Variants in CHAF1B observed in about 807,000 individuals in gnomAD.
CHAF1B encodes CAF-1 subunit B.
CHAF1B carries 10 observed loss-of-function variants against 60.7 expected under a neutral mutation model. The ratio of observed to expected loss-of-function variants is 0.16; its 90% confidence interval spans 0.10 to 0.28. The LOEUF is 0.28. Ranked by LOEUF, CHAF1B falls within the 10% of genes least tolerant of loss-of-function variation. The probability of loss-of-function intolerance (pLI) is 1.00; values close to 1 mark genes in which losing one functional copy is unlikely to be tolerated. For synonymous variants in CHAF1B, 261 were observed against 266.1 expected (o/e 0.98, Z 0.19); for missense variants, 558 against 708.4 (o/e 0.79, Z 2.41).
chr21:36,399,514 T>C lies in CHAF1B; in HGVS notation c.579-7T>C. On this transcript the variant is annotated splice_polypyrimidine_tract_variant and splice_region_variant and intron_variant, in intron 6 of 13. Coordinates refer to ENST00000314103, the MANE Select transcript of CHAF1B (RefSeq NM_005441.3). ...GAAGTGGTAAATCAGACATGTTCTT[T>C]CTTCAGGGTGCTGCGAGTATACAGT... 6.2e-7 allele frequency: 1 copy of C among 1,612,160 alleles called. No homozygotes were observed. Among genetic ancestry groups the C allele is most frequent in the South Asian group, 1.1e-5 (1 of 90,654 alleles).
Position 36,416,431 on chromosome 21 carries a change from G to T in CHAF1B, c.*65G>T. The T allele has an allele frequency of 7.4e-7, 1 of 1,353,720 alleles. No homozygotes were observed. 83.9% of individuals were successfully genotyped at this position (1,353,720 alleles called of 1,614,324 possible). ...GTGTGTGCAGGGAGACGGTAAAGCTGGAGGTGCCTGAGACCAGGGCTTCCA... is the reference window on the plus strand; with the variant it reads ...GTGTGTGCAGGGAGACGGTAAAGCTTGAGGTGCCTGAGACCAGGGCTTCCA... On this transcript the variant is annotated 3_prime_UTR_variant, in exon 14 of 14. Transcript: ENST00000314103.
At chr21:36,416,229 A>G (rs1224897588) in intron 13 of CHAF1B, 46 bp from the exon 14 acceptor site, 2 of 1,539,010 alleles carry the variant, frequency 1.3e-6, no homozygotes, top group Non-Finnish European at 1.8e-6. Context: ...CTTGACTTCC[A>G]GAATTCTTCA....
intron 2 of CHAF1B, among the ~76,000 whole-genome samples, chr21:36,386,504 T>A (rs572461299): frequency 6.6e-6 from 1 of 152,112 alleles, no homozygotes; most frequent in South Asian, 2.1e-4. Context: ...CTTGGGAAGT[T>A]GAAGTGAGAG....
intron 11 of CHAF1B, among the ~76,000 whole-genome samples, chr21:36,411,900 T>C (rs1420524110): frequency 2.0e-5 from 3 of 152,084 alleles, no homozygotes; most frequent in Non-Finnish European, 4.4e-5. Context: ...GGCTAATTCT[T>C]GTGGTTTTAG....
intron 3 of CHAF1B, 41 bp from the exon 4 acceptor site, chr21:36,391,510 G>T: frequency 8.8e-7 from 1 of 1,132,332 alleles, no homozygotes; most frequent in Non-Finnish European, 1.3e-6. Flanking sequence ...ATGAAGGAGT[G>T]TGGGTGAAGC....
intron 5 of CHAF1B, among the ~76,000 whole-genome samples, chr21:36,396,662 A>G (rs1601560321): frequency 2.0e-5 from 3 of 151,150 alleles, no homozygotes; most frequent in African/African-American, 7.3e-5. Flanking sequence ...TCAAAAAAAA[A>G]AGAAAAAAAA....
intron 10 of CHAF1B, among the ~76,000 whole-genome samples, chr21:36,409,855 G>GTTT (rs1005313002): frequency 1.5e-5 from 2 of 133,998 alleles, no homozygotes; most frequent in Admixed American, 7.5e-5. Flanking sequence ...ATACATGTCA[G>GTTT]TTTTTTTTTT....
chr21:36,397,021 A>G (rs1235413816), intron 5 of CHAF1B, among the ~76,000 whole-genome samples: 2 of 151,836 alleles, frequency 1.3e-5, no homozygotes, highest in Admixed American at 1.3e-4. Flanking sequence ...CTCCATATTC[A>G]CTTCGCTAAG....
In CHAF1B at chr21:36,389,800, T is replaced by TGTGTGTGTGCGCGCGCGCGCGCGCGC; in HGVS notation, c.260-1750_260-1749insTGTGTGTGCGCGCGCGCGCGCGCGCG. ...GTGTGTGTGTGTGTGTGTGTGTGTG[T>TGTGTGTGTGCGCGCGCGCGCGCGCGC]GCGCGCGCACGCTGATTTGTAGAGG... On this transcript the variant is annotated intron_variant, in intron 3 of 13. Coordinates refer to ENST00000314103, the MANE Select transcript of CHAF1B (RefSeq NM_005441.3). 3.1e-4 allele frequency among the ~76,000 whole-genome samples: 39 copies of TGTGTGTGTGCGCGCGCGCGCGCGCGC among 124,790 alleles called. 1 individual carries two copies. The highest frequency in any genetic ancestry group is 1.2e-3 in the African/African-American group (34 of 28,438). The allele number at this position is 124,790 out of a possible 152,430, so 81.9% of individuals were successfully genotyped here.
chr21:36,411,625 G>T, intron 11 of CHAF1B, 21 bp downstream of exon 11: 1 of 1,613,516 alleles, frequency 6.2e-7, no homozygotes, highest in Non-Finnish European at 8.5e-7. Context: ...GCTAATGAGG[G>T]AGAGTGAGTG....
chr21:36,391,728 A>G (rs2086090418), intron 4 of CHAF1B, 60 bp downstream of exon 4: 1 of 1,096,044 alleles, frequency 9.1e-7, no homozygotes, highest in East Asian at 2.4e-5. Context: ...TAAATGGAAT[A>G]TACCTTTTGA....
At chr21:36,386,371 C>A in intron 2 of CHAF1B, 109 bp downstream of exon 2, 1 of 1,390,428 alleles carries the variant, frequency 7.2e-7, no homozygotes, top group East Asian at 2.4e-5. Context: ...GCCTGTAATC[C>A]CAGTGCTTTG....
chr21:36,404,654 G>A (rs1265838253), intron 8 of CHAF1B, among the ~76,000 whole-genome samples: 6 of 148,290 alleles, frequency 4.0e-5, no homozygotes, highest in African/African-American at 1.5e-4. Flanking sequence ...GTCTGGTCTC[G>A]AACTCCGGAC....
chr21:36,400,458 C>A (rs990085124), intron 7 of CHAF1B, among the ~76,000 whole-genome samples: 1 of 151,456 alleles, frequency 6.6e-6, no homozygotes, highest in African/African-American at 2.4e-5. Flanking sequence ...GTGACAAGAG[C>A]GAAACTCAGT....
In CHAF1B at chr21:36,416,421, C is replaced by T. The variant is rs549374297; in HGVS notation, c.*55C>T. The stretch of plus-strand genomic sequence containing the variant: ...CAGGCTCCCGGTGTGTGCAGGGAGA[C>T]GGTAAAGCTGGAGGTGCCTGAGACC... On this transcript the variant is annotated 3_prime_UTR_variant, in exon 14 of 14. Transcript: ENST00000314103. 4.0e-4 allele frequency: 589 copies of T among 1,466,480 alleles called. 3 individuals carry two copies. In the South Asian group the frequency reaches 4.6e-3, roughly 12 times the overall value. 90.8% of individuals were successfully genotyped at this position (1,466,480 alleles called of 1,614,324 possible).
chr21:36,408,689 G>T, intron 8 of CHAF1B, 72 bp from the exon 9 acceptor site: 1 of 1,067,666 alleles, frequency 9.4e-7, no homozygotes, highest in South Asian at 1.3e-5. Flanking sequence ...GAAGGCTCTT[G>T]AGTTTCTGTT....
At chr21:36,413,796 C>T (rs138894470) in intron 12 of CHAF1B, among the ~76,000 whole-genome samples, 7 of 152,326 alleles carry the variant, frequency 4.6e-5, no homozygotes, top group African/African-American at 1.7e-4. Context: ...TTCAGCCTTT[C>T]CCTTGTCACC....
chr21:36,388,188 A>G (rs769097789), intron 3 of CHAF1B, among the ~76,000 whole-genome samples: 13 of 152,144 alleles, frequency 8.5e-5, no homozygotes, highest in Non-Finnish European at 1.8e-4. Context: ...GTTCAGTAAA[A>G]TACTGTTCTA....
chr21:36,391,786 T>C, intron 4 of CHAF1B, 118 bp downstream of exon 4: 1 of 648,180 alleles, frequency 1.5e-6, no homozygotes, highest in South Asian at 1.8e-5. Flanking sequence ...TCGCCCAGGC[T>C]GGAGTGCTGT....
Sources: allele counts gnomAD v4.1 joint callset (sites outside exome capture counted in the v4.1 genomes callset), GRCh38; gene constraint gnomAD v4.1.1; transcripts MANE v1.5; gene names NCBI Gene and HGNC (gene_info 2026-07-23, HGNC 2026-07-21).